Variants in HOMER2 observed in about 807,000 individuals in gnomAD.
HOMER2 encodes homer protein homolog 2.
A neutral mutation model predicts 47.0 loss-of-function variants in HOMER2; 27 were observed. The observed-to-expected ratio is 0.57, with a 90% CI of 0.42 to 0.79. The LOEUF is 0.79. HOMER2 is among the 30% of genes least tolerant of loss of function. The pLI, the probability that HOMER2 is intolerant of heterozygous loss-of-function variation, is 0.00. For missense variants in HOMER2, 443 were observed against 435.0 expected (o/e 1.02, Z -0.16); for synonymous variants, 161 against 163.8 (o/e 0.98, Z 0.13).
chr15:82,893,259 G>T (rs1029572798), intron 1 of HOMER2, among the ~76,000 whole-genome samples: 3 of 151,268 alleles, frequency 2.0e-5, no homozygotes. Context: ...CAATCTATTT[G>T]CAGCTTAATG....
chr15:82,937,036 G>C (rs1378585619), intron 1 of HOMER2, among the ~76,000 whole-genome samples: 2 of 152,158 alleles, frequency 1.3e-5, no homozygotes, highest in Non-Finnish European at 2.9e-5. Flanking sequence ...GTTATAGCAG[G>C]CTTGAAATAT....
rs71156062 is a variant in HOMER2, at chr15:82,948,390, C to CAA, written c.5+4139_5+4140dup. Among the ~76,000 whole-genome samples the CAA allele has an allele frequency of 8.8e-3, 549 of 62,392 alleles. 5 individuals carry two copies. The highest frequency in any genetic ancestry group is 0.022 in the African/African-American group (388 of 17,846). The allele number at this position is 62,392 out of a possible 152,430, so 40.9% of individuals were successfully genotyped here. ...TGGGCGACAGACAGAGACTCCATCT[C>CAA]AAAAAAAAAAAAAAAAAAAAGAATT... is the stretch of plus-strand genomic sequence containing the variant. On this transcript the variant is annotated intron_variant, in intron 1 of 8. Transcript: ENST00000450735.
At chr15:82,929,849 G>C (rs60490665) in intron 1 of HOMER2, among the ~76,000 whole-genome samples, 8,037 of 151,564 alleles carry the variant, frequency 0.053, 532 homozygotes, top group African/African-American at 0.16. Context: ...TCCTACCTCA[G>C]CCTCCCGAGT....
chr15:82,897,061 ATTTCTTTT>A (rs985903792), intron 1 of HOMER2, among the ~76,000 whole-genome samples: 4 of 46,010 alleles, frequency 8.7e-5, no homozygotes, highest in African/African-American at 2.3e-4. Context: ...ATTTGATGTC[ATTTCTTTT>A]TTTTTTTTTT....
intron 1 of HOMER2, among the ~76,000 whole-genome samples, chr15:82,929,653 C>CAAAA (rs373315567): frequency 1.1e-4 from 10 of 90,968 alleles, no homozygotes; most frequent in East Asian, 3.2e-4. Flanking sequence ...GTGAGACTAT[C>CAAAA]AAAAAAAAAA....
intron 1 of HOMER2, among the ~76,000 whole-genome samples, chr15:82,960,979 T>C (rs973235761): frequency 1.3e-5 from 2 of 152,212 alleles, no homozygotes; most frequent in African/African-American, 4.8e-5. Flanking sequence ...CTGTAAGACC[T>C]GGCTTCTGCT....
At chr15:82,974,446 T>C (rs2030129027) in intron 1 of HOMER2, among the ~76,000 whole-genome samples, 1 of 151,074 alleles carries the variant, frequency 6.6e-6, no homozygotes, top group African/African-American at 2.4e-5. Flanking sequence ...AGAGCAAAGG[T>C]TCTCCACTCA....
intron 7 of HOMER2, among the ~76,000 whole-genome samples, chr15:82,851,557 T>C (rs897558543): frequency 2.6e-5 from 4 of 152,164 alleles, no homozygotes; most frequent in African/African-American, 9.7e-5. Flanking sequence ...GTCTGCCCCC[T>C]AGAAAATAAA....
intron 1 of HOMER2, among the ~76,000 whole-genome samples, chr15:82,980,839 T>C (rs1032288772): frequency 6.6e-6 from 1 of 151,890 alleles, no homozygotes; most frequent in African/African-American, 2.4e-5. Flanking sequence ...TTTATTAGAG[T>C]GGTTTCAGTG....
chr15:82,974,936 G>C (rs8027009), intron 1 of HOMER2, among the ~76,000 whole-genome samples: 51 of 152,300 alleles, frequency 3.3e-4, no homozygotes, highest in African/African-American at 1.2e-3. Flanking sequence ...TGGGCGTGGT[G>C]GTGGGCGCCT....
chr15:82,903,660 AACACAC>A (rs57941285), intron 1 of HOMER2, among the ~76,000 whole-genome samples: 3 of 150,174 alleles, frequency 2.0e-5, no homozygotes, highest in Non-Finnish European at 4.5e-5. Flanking sequence ...AACTCCTCTA[AACACAC>A]ACACACACAC....
chr15:82,907,614 C>T (rs1044697772), intron 1 of HOMER2, among the ~76,000 whole-genome samples: 20 of 152,072 alleles, frequency 1.3e-4, no homozygotes, highest in African/African-American at 3.4e-4. Flanking sequence ...CTCAACATCA[C>T]GACATCAACC....
intron 3 of HOMER2, among the ~76,000 whole-genome samples, chr15:82,872,623 G>A (rs2052214476): frequency 6.6e-6 from 1 of 152,060 alleles, no homozygotes; most frequent in Non-Finnish European, 1.5e-5. Context: ...TTACCCACCC[G>A]AAAATCCTGG....
intron 1 of HOMER2, among the ~76,000 whole-genome samples, chr15:82,934,700 C>T (rs72755930): frequency 0.079 from 11,994 of 152,242 alleles, 550 homozygotes; most frequent in Middle Eastern, 0.13. Flanking sequence ...CCTTCTGCCA[C>T]CTGCTTCCTC....
At chr15:82,968,435 A>C (rs2054695497) in intron 1 of HOMER2, among the ~76,000 whole-genome samples, 1 of 152,206 alleles carries the variant, frequency 6.6e-6, no homozygotes, top group Non-Finnish European at 1.5e-5. Context: ...AATTTTATTT[A>C]TTTTTATCAC....
chr15:82,918,855 C>T (rs2053656716), intron 1 of HOMER2, among the ~76,000 whole-genome samples: 1 of 151,850 alleles, frequency 6.6e-6, no homozygotes, highest in African/African-American at 2.4e-5. Flanking sequence ...TGAACTCGGC[C>T]CCGTAAATGG....
chr15:82,868,541 A>ATATATATATATATATATATATATT, intron 3 of HOMER2, among the ~76,000 whole-genome samples: 23 of 71,262 alleles, frequency 3.2e-4, no homozygotes, highest in Admixed American at 5.5e-4. Flanking sequence ...ATATATATAT[A>ATATATATATATATATATATATATT]TTTTTTTTTT....
intron 1 of HOMER2, 24 bp from the exon 2 acceptor site, chr15:82,892,865 G>A (rs571496768): frequency 2.0e-6 from 3 of 1,485,496 alleles, no homozygotes; most frequent in South Asian, 2.9e-5. Context: ...GTGGGCGTGT[G>A]AGTTGAGAGA....
intron 1 of HOMER2, among the ~76,000 whole-genome samples, chr15:82,938,352 C>T (rs1226716059): frequency 5.3e-5 from 8 of 152,028 alleles, no homozygotes; most frequent in South Asian, 2.1e-4. Flanking sequence ...CCAGCCTGGG[C>T]GACAGAGCAA....
Sources: gnomAD v4.1 joint callset for allele counts (sites outside exome capture counted in the v4.1 genomes callset) on GRCh38, gnomAD v4.1.1 for gene constraint, MANE v1.5 for transcripts, NCBI Gene and HGNC (gene_info 2026-07-23, HGNC 2026-07-21) for gene names.